Variants in SYT14 observed in about 807,000 individuals in gnomAD.
SYT14 encodes the protein synaptotagmin 14.
SYT14 carries 32 observed loss-of-function variants against 74.2 expected under a neutral mutation model. The observed-to-expected ratio is 0.43, with a 90% CI of 0.33 to 0.58. SYT14 has a LOEUF of 0.58. SYT14 is among the 20% of genes least tolerant of loss of function. The pLI is 0.05. For missense variants in SYT14, 791 were observed against 981.8 expected (o/e 0.81, Z 2.60); for synonymous variants, 298 against 337.7 (o/e 0.88, Z 1.29).
intron 8 of SYT14, among the ~76,000 whole-genome samples, chr1:210,156,221 A>G (rs1207961787): frequency 6.6e-6 from 1 of 152,226 alleles, no homozygotes; most frequent in East Asian, 1.9e-4. Context: ...AATGTTCACA[A>G]ATATGAACAG....
chr1:209,941,796 G>C (rs1232899878), intron 1 of SYT14, among the ~76,000 whole-genome samples: 1 of 152,088 alleles, frequency 6.6e-6, no homozygotes, highest in Non-Finnish European at 1.5e-5. Flanking sequence ...GTTGTCCCTT[G>C]GTAACCGTGG....
chr1:210,024,249 A>G (rs1237424508), intron 5 of SYT14, among the ~76,000 whole-genome samples: 1 of 152,202 alleles, frequency 6.6e-6, no homozygotes, highest in Non-Finnish European at 1.5e-5. Flanking sequence ...TAGAAAGATT[A>G]ATTTAGCAGC....
chr1:209,962,197 A>C (rs141300555), intron 2 of SYT14, among the ~76,000 whole-genome samples: 1 of 151,950 alleles, frequency 6.6e-6, no homozygotes, highest in South Asian at 2.1e-4. Flanking sequence ...ATTTTAAAAA[A>C]TATTGTCATA....
In SYT14 at chr1:209,944,971, T is replaced by C. The variant is rs988631791; in HGVS notation, c.-534+6694T>C. Among the ~76,000 whole-genome samples, 3 of 152,162 alleles carry C rather than the reference T, an allele frequency of 2.0e-5. No homozygotes were observed. The East Asian group carries it at 5.8e-4, about 29-fold the overall frequency. On this transcript the variant is annotated intron_variant, in intron 1 of 9. Transcript: ENST00000637265. ...AGGGAATTAACCTTTTTTGGGTGCT[T>C]GCCATGGGCCAGGCAACATATATTC...
intron 7 of SYT14, among the ~76,000 whole-genome samples, chr1:210,117,722 A>G (rs755577387): frequency 2.6e-4 from 39 of 152,198 alleles, no homozygotes; most frequent in Non-Finnish European, 5.0e-4. Context: ...AAGAAGAAAC[A>G]AACAGGTCAT....
At chr1:210,112,369 G>A (rs1038840261) in intron 7 of SYT14, among the ~76,000 whole-genome samples, 1 of 151,444 alleles carries the variant, frequency 6.6e-6, no homozygotes, top group African/African-American at 2.5e-5. Flanking sequence ...ACGATGGAAA[G>A]GAAATGAGAG....
intron 8 of SYT14, among the ~76,000 whole-genome samples, chr1:210,157,257 C>T (rs1419776401): frequency 2.0e-5 from 3 of 149,706 alleles, no homozygotes; most frequent in African/African-American, 7.4e-5. Context: ...GCCTGGGCAA[C>T]AAAGTGAGAC....
At chr1:210,071,982 T>C (rs918096235) in intron 5 of SYT14, among the ~76,000 whole-genome samples, 1 of 151,894 alleles carries the variant, frequency 6.6e-6, no homozygotes. Context: ...CAAGTTTACT[T>C]TCAGATTCAG....
intron 7 of SYT14, among the ~76,000 whole-genome samples, chr1:210,147,919 C>T (rs972556340): frequency 6.6e-6 from 1 of 152,030 alleles, no homozygotes; most frequent in African/African-American, 2.4e-5. Flanking sequence ...GATGGAGCAG[C>T]CCATCCTGAG....
intron 5 of SYT14, among the ~76,000 whole-genome samples, chr1:210,036,031 C>A (rs905423346): frequency 1.3e-5 from 2 of 152,030 alleles, no homozygotes; most frequent in Non-Finnish European, 2.9e-5. Flanking sequence ...TTCTTCCAAT[C>A]CCTGAGCATG....
intron 7 of SYT14, among the ~76,000 whole-genome samples, chr1:210,107,803 A>G (rs1315214311): frequency 6.6e-6 from 1 of 152,150 alleles, no homozygotes; most frequent in Non-Finnish European, 1.5e-5. Flanking sequence ...TTCTGTTAGT[A>G]TATATTCATA....
intron 2 of SYT14, among the ~76,000 whole-genome samples, chr1:209,977,113 A>T (rs1479617406): frequency 6.6e-6 from 1 of 151,970 alleles, no homozygotes; most frequent in Non-Finnish European, 1.5e-5. Context: ...TGCACGTGAG[A>T]TGGGTTCCCT....
intron 5 of SYT14, among the ~76,000 whole-genome samples, chr1:210,046,254 A>C (rs1186063804): frequency 6.6e-6 from 1 of 152,054 alleles, no homozygotes; most frequent in Admixed American, 6.6e-5. Flanking sequence ...GGCACCTGTA[A>C]CCCCAGCTAC....
rs2081284623 is a variant in SYT14 at position 210,065,791 on chromosome 1, A to G, written c.1313-28531A>G. 2.0e-5 allele frequency among the ~76,000 whole-genome samples: 3 copies of G among 152,026 alleles called. No individual in the cohort carries two copies. In the South Asian group the frequency reaches 6.2e-4, roughly 32 times the overall value. On this transcript the variant is annotated intron_variant, in intron 5 of 9. Coordinates refer to ENST00000637265, the Ensembl canonical transcript of SYT14. ...TGCACAACGTGCAGGTTTGTTACAT[A>G]TGTATACATGTGCCATGTTGGTGTG...
At chr1:209,998,885 A>G (rs2079844199) in intron 2 of SYT14, among the ~76,000 whole-genome samples, 2 of 152,110 alleles carry the variant, frequency 1.3e-5, no homozygotes, top group African/African-American at 2.4e-5. Context: ...GGGTTAAGCA[A>G]TATTTTATGG....
Position 210,070,284 on chromosome 1 carries a change from C to A in SYT14, c.1313-24038C>A, listed in dbSNP as rs559078492. On this transcript the variant is annotated intron_variant, in intron 5 of 9. Transcript: ENST00000637265. ...AACTCTGTTAGAGTATCTAGACTTTCAAGAAATGAGGTTCTCTAGTTCCCT... is the reference window on the plus strand; with the variant it reads ...AACTCTGTTAGAGTATCTAGACTTTAAAGAAATGAGGTTCTCTAGTTCCCT... Among the ~76,000 whole-genome samples the A allele has an allele frequency of 5.9e-5, 9 of 152,190 alleles. No individual in the cohort carries two copies. The South Asian group carries it at 8.3e-4, about 14-fold the overall frequency.
At chr1:209,939,156 T>G (rs1434179224) in intron 1 of SYT14, among the ~76,000 whole-genome samples, 1 of 152,206 alleles carries the variant, frequency 6.6e-6, no homozygotes, top group Non-Finnish European at 1.5e-5. Context: ...TTGTGAGAAT[T>G]AATTTCACAC....
At chr1:210,029,209 C>A (rs2080476580) in intron 5 of SYT14, among the ~76,000 whole-genome samples, 1 of 152,026 alleles carries the variant, frequency 6.6e-6, no homozygotes. Flanking sequence ...TATTTTTTCC[C>A]ATTTTGGGAT....
chr1:210,028,896 A>G (rs2080469482), intron 5 of SYT14, among the ~76,000 whole-genome samples: 1 of 152,172 alleles, frequency 6.6e-6, no homozygotes, highest in Admixed American at 6.6e-5. Flanking sequence ...CCAGTAGTGT[A>G]CAAGCGTTCC....
Sources: gnomAD v4.1 joint callset for allele counts (sites outside exome capture counted in the v4.1 genomes callset) on GRCh38, gnomAD v4.1.1 for gene constraint, MANE v1.5 for transcripts, NCBI Gene and HGNC (gene_info 2026-07-23, HGNC 2026-07-21) for gene names.